TRIM5: variants seen among roughly 807,000 people sequenced by gnomAD.
TRIM5 encodes tripartite motif-containing protein 5.
In TRIM5, 31 loss-of-function variants were observed where a neutral mutation model predicts 35.6. That is an observed-to-expected ratio of 0.87 (90% CI 0.65 to 1.18). The LOEUF (loss-of-function observed/expected upper bound fraction) is 1.18, where lower values mean the gene tolerates loss of function less well. TRIM5 is among the 50% of genes most tolerant of loss of function. The probability of loss-of-function intolerance (pLI) is 0.00; values close to 1 mark genes in which losing one functional copy is unlikely to be tolerated. For missense variants in TRIM5, 609 were observed against 591.6 expected, an observed-to-expected ratio of 1.03 and a Z score of -0.31; for synonymous variants, 243 against 215.6, an observed-to-expected ratio of 1.13 and a Z score of -1.11.
chr11:5,646,677 A>G, the TRIM5 span, among the ~76,000 whole-genome samples: 1 of 152,168 alleles, frequency 6.6e-6, no homozygotes, highest in Admixed American at 6.5e-5. Context: ...CTGACTTTGT[A>G]ACCCTTGGAC....
chr11:5,589,281 C>T, the TRIM5 span: 1 of 151,344 alleles, frequency 6.6e-6, no homozygotes, highest in Non-Finnish European at 1.5e-5. Context: ...CATCTAGTGT[C>T]CTCTTCTGAG....
the TRIM5 span, among the ~76,000 whole-genome samples, chr11:5,637,670 T>C: frequency 6.6e-6 from 1 of 152,252 alleles, no homozygotes; most frequent in East Asian, 1.9e-4. Flanking sequence ...GTGCAACCAT[T>C]AAGTGGGATC....
chr11:5,616,309 G>C, the TRIM5 span, among the ~76,000 whole-genome samples: 1 of 145,030 alleles, frequency 6.9e-6, no homozygotes, highest in African/African-American at 2.5e-5. Context: ...CAACAAGAGC[G>C]AAACACTGTC....
At chr11:5,603,116 T>G in the TRIM5 span, 2 of 1,443,392 alleles carry the variant, frequency 1.4e-6, no homozygotes, top group Admixed American at 2.5e-5. Flanking sequence ...AAGAACGTAT[T>G]GGATATGAGA....
intron 4 of TRIM5, among the ~76,000 whole-genome samples, chr11:5,670,740 A>T (rs1411245921): frequency 3.3e-5 from 5 of 151,914 alleles, no homozygotes; most frequent in Admixed American, 6.6e-5. Context: ...GATTGAACAT[A>T]ACTTATATTC....
At chr11:5,631,136 C>CT in the TRIM5 span, among the ~76,000 whole-genome samples, 1 of 152,168 alleles carries the variant, frequency 6.6e-6, no homozygotes, top group East Asian at 1.9e-4. Context: ...GGTTACACCC[C>CT]TCCCCCAACG....
At chr11:5,599,420 T>TA in the TRIM5 span, among the ~76,000 whole-genome samples, 7 of 149,620 alleles carry the variant, frequency 4.7e-5, no homozygotes, top group South Asian at 2.1e-4. Flanking sequence ...TTTATTTATT[T>TA]TGAGACGGAG....
the TRIM5 span, among the ~76,000 whole-genome samples, chr11:5,623,394 G>A: frequency 4.0e-5 from 6 of 151,874 alleles, no homozygotes; most frequent in Non-Finnish European, 1.5e-5. Context: ...TTGAGACAGA[G>A]TCTTGCTCTG....
chr11:5,612,908 A>G, the TRIM5 span: 3 of 152,214 alleles, frequency 2.0e-5, no homozygotes, highest in Non-Finnish European at 2.9e-5. Context: ...TGCAATGATA[A>G]TATGTTGGCT....
the TRIM5 span, chr11:5,643,515 T>C: frequency 2.8e-5 from 46 of 1,614,202 alleles, no homozygotes; most frequent in African/African-American, 5.6e-4. Context: ...TTTGACTCTC[T>C]CCATGGCTGT....
chr11:5,608,490 AAGATTCAAG>A, the TRIM5 span: 1 of 1,570,094 alleles, frequency 6.4e-7, no homozygotes, highest in Admixed American at 1.8e-5. Context: ...CAGAGTGGGG[AAGATTCAAG>A]AGAGTAGTCT....
downstream of TRIM5, among the ~76,000 whole-genome samples, chr11:5,660,649 AT>A (rs780594415): frequency 2.5e-3 from 384 of 151,332 alleles, no homozygotes; most frequent in African/African-American, 8.0e-3. Flanking sequence ...AAACTGCCGG[AT>A]TTTTTTTTCA....
At chr11:5,675,659 TTTC>T (rs1408846768) in intron 4 of TRIM5, among the ~76,000 whole-genome samples, 1 of 95,516 alleles carries the variant, frequency 1.0e-5, no homozygotes, top group Non-Finnish European at 2.8e-5. Flanking sequence ...CTTTCTTGCA[TTTC>T]TTTTTTTTTT....
chr11:5,670,645 C>A (rs981077943), intron 4 of TRIM5, among the ~76,000 whole-genome samples: 1 of 152,100 alleles, frequency 6.6e-6, no homozygotes, highest in Non-Finnish European at 1.5e-5. Context: ...TTTTAAACAG[C>A]CTTAACTTTG....
At chr11:5,619,791 C>T in the TRIM5 span, 1 of 130,570 alleles carries the variant, frequency 7.7e-6, no homozygotes, top group African/African-American at 2.9e-5. Context: ...CAACCTCTGT[C>T]TCCTGGGTTC....
chr11:5,657,974 T>C, the TRIM5 span, among the ~76,000 whole-genome samples: 4 of 151,946 alleles, frequency 2.6e-5, no homozygotes, highest in Admixed American at 2.6e-4. Context: ...CAGCTGCTAA[T>C]TATATGAGAG....
chr11:5,602,542 T>C, the TRIM5 span, among the ~76,000 whole-genome samples: 12 of 151,860 alleles, frequency 7.9e-5, no homozygotes, highest in Non-Finnish European at 1.5e-4. Flanking sequence ...AGCTAGTAAG[T>C]CATGCAGATA....
the TRIM5 span, chr11:5,643,832 G>C: frequency 8.4e-4 from 1,078 of 1,278,168 alleles, 7 homozygotes; most frequent in African/African-American, 0.012. Flanking sequence ...ACTCATCCTT[G>C]AGATGTATGG....
the TRIM5 span, chr11:5,641,280 A>G: frequency 6.3e-7 from 1 of 1,595,422 alleles, no homozygotes; most frequent in Non-Finnish European, 8.6e-7. Flanking sequence ...GGAATAAAAA[A>G]TCTCCCAGAG....
Sources: gnomAD v4.1 joint callset for allele counts (sites outside exome capture counted in the v4.1 genomes callset) on GRCh38, gnomAD v4.1.1 for gene constraint, MANE v1.5 for transcripts, NCBI Gene and HGNC (gene_info 2026-07-23, HGNC 2026-07-21) for gene names.